BIRC6: variants seen among roughly 807,000 people sequenced by gnomAD.
The protein encoded by BIRC6 is dual E2 ubiquitin-conjugating enzyme/E3 ubiquitin-protein ligase BIRC6.
BIRC6 carries 98 observed loss-of-function variants against 503.3 expected under a neutral mutation model. That is an observed-to-expected ratio of 0.19 (90% CI 0.17 to 0.23). BIRC6 has a LOEUF of 0.23. Among genes scored for constraint, BIRC6 ranks in the 10% least tolerant of loss-of-function variants. The pLI is 1.00. For synonymous variants in BIRC6, 2,240 were observed against 2,078.7 expected, an observed-to-expected ratio of 1.08 and a Z score of -2.11; for missense variants, 5,360 against 5,806.0, an observed-to-expected ratio of 0.92 and a Z score of 2.50.
At chr2:32,534,963 T>C (rs973742169) in intron 61 of BIRC6, among the ~76,000 whole-genome samples, 7 of 150,618 alleles carry the variant, frequency 4.6e-5, no homozygotes, top group African/African-American at 1.5e-4. Flanking sequence ...TAAGAAACTG[T>C]TAACTCATGC....
intron 23 of BIRC6, among the ~76,000 whole-genome samples, chr2:32,459,397 GTTTTGTTTTGTT>G (rs2047586387): frequency 6.6e-6 from 1 of 151,852 alleles, no homozygotes; most frequent in Non-Finnish European, 1.5e-5. Flanking sequence ...TGTAGGTTTT[GTTTTGTTTTGTT>G]TTTTGTTTTT....
At chr2:32,388,711 A>C (rs773729875) in intron 3 of BIRC6, 39 bp from the exon 4 acceptor site, 5 of 1,408,196 alleles carry the variant, frequency 3.6e-6, no homozygotes, top group African/African-American at 1.4e-5. Context: ...AAAACTGTTG[A>C]GTACATTTTC....
chr2:32,467,106 G>T (rs1040862046), intron 26 of BIRC6, among the ~76,000 whole-genome samples: 1 of 146,624 alleles, frequency 6.8e-6, no homozygotes, highest in Non-Finnish European at 1.5e-5. Context: ...GCGACAGATC[G>T]AGACTCCGTC....
chr2:32,465,830 T>C (rs1241430200), intron 26 of BIRC6, among the ~76,000 whole-genome samples: 1 of 152,202 alleles, frequency 6.6e-6, no homozygotes, highest in Non-Finnish European at 1.5e-5. Context: ...AAGAATTAAA[T>C]AGTATTTGCG....
chr2:32,570,439 C>T (rs959874972), intron 65 of BIRC6, among the ~76,000 whole-genome samples: 9 of 152,196 alleles, frequency 5.9e-5, no homozygotes, highest in Admixed American at 5.9e-4. Context: ...TCACCTTGGC[C>T]TCCCAAAGTG....
chr2:32,527,889 T>A (rs2056406909), intron 59 of BIRC6: 1 of 152,172 alleles, frequency 6.6e-6, no homozygotes, highest in Non-Finnish European at 1.5e-5. Flanking sequence ...AAAAGGTGCT[T>A]ATAGAAGAAG....
chr2:32,492,444 G>T (rs2051857318), intron 44 of BIRC6, among the ~76,000 whole-genome samples: 1 of 152,092 alleles, frequency 6.6e-6, no homozygotes, highest in Non-Finnish European at 1.5e-5. Flanking sequence ...CAGTTAGATT[G>T]GGACAGGGTT....
intron 45 of BIRC6, among the ~76,000 whole-genome samples, chr2:32,496,719 T>A (rs932447957): frequency 6.6e-6 from 1 of 152,222 alleles, no homozygotes; most frequent in Non-Finnish European, 1.5e-5. Flanking sequence ...ACAATCAGCT[T>A]ATTGATTTTC....
intron 8 of BIRC6, among the ~76,000 whole-genome samples, chr2:32,402,697 T>TTG (rs1449961465): frequency 1.3e-5 from 2 of 152,214 alleles, no homozygotes; most frequent in Non-Finnish European, 2.9e-5. Flanking sequence ...TGTCTGAGTT[T>TTG]CTGACCATAT....
chr2:32,362,980 A>G lies in BIRC6; in HGVS notation c.325+5494A>G, dbSNP rs147018316. ...GCATGTAAAGTGTTTGCAGCAGTGT[A>G]CTTACCAGACAAGTGCCCCAAAAAT... On this transcript the variant is annotated intron_variant, in intron 1 of 73. Transcript: ENST00000421745. Among the ~76,000 whole-genome samples the G allele has an allele frequency of 3.1e-4, 47 of 152,302 alleles. No homozygotes were observed. In the East Asian group the frequency reaches 7.7e-3, roughly 25 times the overall value.
At chr2:32,584,110 C>T (rs1268800710) in intron 66 of BIRC6, among the ~76,000 whole-genome samples, 2 of 152,184 alleles carry the variant, frequency 1.3e-5, no homozygotes, top group African/African-American at 4.8e-5. Context: ...CGGTGGCTTA[C>T]ACCTGTAATC....
intron 44 of BIRC6, 76 bp from the exon 45 acceptor site, chr2:32,493,464 C>T (rs2052009864): frequency 2.9e-6 from 4 of 1,392,992 alleles, no homozygotes; most frequent in Non-Finnish European, 2.9e-6. Flanking sequence ...TGACTTTCTA[C>T]TTGATAATTT....
At chr2:32,468,983 T>G (rs1558815698) in intron 29 of BIRC6, among the ~76,000 whole-genome samples, 200 bp downstream of exon 29, 1 of 152,242 alleles carries the variant, frequency 6.6e-6, no homozygotes, top group Non-Finnish European at 1.5e-5. Flanking sequence ...GTGTGTGTTT[T>G]TTTTGGGTTT....
At chr2:32,397,616 G>GTATATATA (rs544288777) in intron 6 of BIRC6, among the ~76,000 whole-genome samples, 4 of 137,530 alleles carry the variant, frequency 2.9e-5, no homozygotes, top group Admixed American at 7.3e-5. Flanking sequence ...ATATATGTGT[G>GTATATATA]TATATATATA....
Position 32,469,503 on chromosome 2 carries a change from G to T in BIRC6, c.6236G>T (p.Gly2079Val). 2 of 1,613,870 alleles carry T rather than the reference G, an allele frequency of 1.2e-6. No homozygotes were observed. The highest frequency in any genetic ancestry group is 1.7e-6 in the Non-Finnish European group (2 of 1,179,806). Residue 2079 changes from glycine to valine, a missense_variant, in exon 30 of 74, where the codon GGT becomes GTT. By Grantham distance (109) the Gly-to-Val change is moderately radical (BLOSUM62 -3). Transcript: ENST00000421745. ...ACCCCAAAGATACGGTTACATACTG[G>T]TCTTCTTCTTGTTCAACTGTGTGGT... is the stretch of plus-strand genomic sequence containing the variant. ...SGTPKIRLHT[G>V]LLLVQLCGGE... is the part of the protein sequence containing the mutation.
intron 65 of BIRC6, among the ~76,000 whole-genome samples, chr2:32,566,834 A>G (rs1345385585): frequency 1.3e-5 from 2 of 152,226 alleles, no homozygotes; most frequent in African/African-American, 4.8e-5. Flanking sequence ...TGATTGTTAT[A>G]TAAAATTAAC....
At position 32,440,381 on chromosome 2, in the gene BIRC6, G is replaced by C. The variant is rs545596343; in HGVS notation, c.3810+695G>C. 2.0e-5 allele frequency among the ~76,000 whole-genome samples: 3 copies of C among 152,254 alleles called. No homozygotes were observed. The South Asian group carries it at 6.2e-4, about 32-fold the overall frequency. Reference sequence around the variant, plus strand: ...GGAGTATACAGAAAGAGAAGTTGGGGCGTAATTTTAAGACAGGTTCTAATC... The same window carrying C: ...GGAGTATACAGAAAGAGAAGTTGGGCCGTAATTTTAAGACAGGTTCTAATC... On this transcript the variant is annotated intron_variant, in intron 16 of 73. Coordinates refer to ENST00000421745, the MANE Select transcript of BIRC6 (RefSeq NM_016252.4).
chr2:32,542,600 GTAA>G (rs2057756783), intron 61 of BIRC6, among the ~76,000 whole-genome samples: 1 of 152,156 alleles, frequency 6.6e-6, no homozygotes, highest in Non-Finnish European at 1.5e-5. Flanking sequence ...AACCACTTTA[GTAA>G]TAATTGTTTC....
intron 34 of BIRC6, among the ~76,000 whole-genome samples, chr2:32,477,113 T>G (rs892171719): frequency 1.3e-5 from 2 of 152,196 alleles, no homozygotes; most frequent in Non-Finnish European, 2.9e-5. Flanking sequence ...TAATATATTA[T>G]CTACATTGAA....
Sources: allele counts gnomAD v4.1 joint callset (sites outside exome capture counted in the v4.1 genomes callset), GRCh38; gene constraint gnomAD v4.1.1; transcripts MANE v1.5; gene names NCBI Gene and HGNC (gene_info 2026-07-23, HGNC 2026-07-21).